Variants in TFR2 observed in about 807,000 individuals in gnomAD.
TFR2 encodes transferrin receptor 2.
In TFR2, 64 loss-of-function variants were observed where a neutral mutation model predicts 91.9. That is an observed-to-expected ratio of 0.70 (90% CI 0.57 to 0.86). The LOEUF (loss-of-function observed/expected upper bound fraction) is 0.86. Among genes scored for constraint, TFR2 ranks in the 40% least tolerant of loss-of-function variants. The pLI, the probability that TFR2 is intolerant of heterozygous loss-of-function variation, is 0.00. For missense variants in TFR2, 950 were observed against 1,080.5 expected, an observed-to-expected ratio of 0.88 and a Z score of 1.69; for synonymous variants, 454 against 459.6, an observed-to-expected ratio of 0.99 and a Z score of 0.15.
rs1803087774 is a variant in TFR2 at position 100,620,975 on chromosome 7, G to A, written c.2288C>T (p.Ser763Phe). The A allele has an allele frequency of 5.0e-6, 8 of 1,612,726 alleles. No individual in the cohort carries two copies. Among genetic ancestry groups the A allele is most frequent in the Non-Finnish European group, 6.8e-6 (8 of 1,179,546 alleles). The change falls in exon 18 of 18, where the codon TCC becomes TTC. Residue 763 changes from serine to phenylalanine, a missense_variant. By Grantham distance (155) the Ser-to-Phe change is radical (BLOSUM62 -2). Coordinates refer to ENST00000223051, the MANE Select transcript of TFR2 (RefSeq NM_003227.4). Reference sequence around the variant, plus strand: ...ACGGCTCTCCTGGAAGCCAGTGGAGGAGGTGGCCCCGGGGGTCCCGGAGCT... The same window carrying A: ...ACGGCTCTCCTGGAAGCCAGTGGAGAAGGTGGCCCCGGGGGTCCCGGAGCT... ...SNSSGTPGAT[S>F]STGFQESRFR...
chr7:100,631,051 TCCTGGAGAGGAGGAAGGCA>T lies in TFR2; in HGVS notation c.1107-18_1107del. The T allele has an allele frequency of 6.4e-7, 1 of 1,570,864 alleles. No homozygotes were observed. Among genetic ancestry groups the T allele is most frequent in the Non-Finnish European group, 8.6e-7 (1 of 1,162,970 alleles). On this transcript the variant is annotated splice_acceptor_variant and splice_polypyrimidine_tract_variant and coding_sequence_variant and intron_variant, in exon 9 of 18. Coordinates refer to ENST00000223051, the MANE Select transcript of TFR2 (RefSeq NM_003227.4). LOFTEE classifies it high-confidence loss of function. ...TGGGGGGCCACAGGGCCTTTGAGCT[TCCTGGAGAGGAGGAAGGCA>T]GAAAGGGGGAAGTTGTAGAGAGACC... is the stretch of plus-strand genomic sequence containing the variant.
At position 100,632,653 on chromosome 7, in the gene TFR2, G is replaced by T. The variant is rs547271541; in HGVS notation, c.849+348C>A. 80 of 326,368 alleles carry T rather than the reference G, an allele frequency of 2.5e-4. No individual in the cohort carries two copies. The Middle Eastern group carries it at 3.2e-3, about 13-fold the overall frequency. The allele number at this position is 326,368 out of a possible 1,614,324, so 20.2% of individuals were successfully genotyped here. A position where few individuals can be genotyped will look rare whatever the true frequency, so the allele number is the denominator to read the frequency against. Reference sequence around the variant, plus strand: ...CAGCCTGGCACTCCTGGGCTCAAGCGATCCTCCCACCGGAGCCTCCGGAGT... The same window carrying T: ...CAGCCTGGCACTCCTGGGCTCAAGCTATCCTCCCACCGGAGCCTCCGGAGT... On this transcript the variant is annotated intron_variant, in intron 6 of 17. Coordinates refer to ENST00000223051, the MANE Select transcript of TFR2 (RefSeq NM_003227.4).
intron 6 of TFR2, chr7:100,632,717 T>TAAA (rs35124485): frequency 4.9e-5 from 10 of 205,164 alleles, no homozygotes; most frequent in Non-Finnish European, 6.8e-5. Context: ...CCCAGCTAAC[T>TAAA]AAAAAAAAAA....
intron 3 of TFR2, among the ~76,000 whole-genome samples, chr7:100,638,064 C>T (rs547249003): frequency 4.3e-4 from 65 of 151,990 alleles, no homozygotes; most frequent in African/African-American, 1.4e-3. Flanking sequence ...AGTGCAGTGG[C>T]GCGATCTCGG....
At chr7:100,634,177 AACACACACACACACAC>A (rs3076877) in intron 3 of TFR2, among the ~76,000 whole-genome samples, 1,358 of 132,806 alleles carry the variant, frequency 0.01, 24 homozygotes, top group African/African-American at 0.032. Context: ...TCCCGACGTC[AACACACACACACACAC>A]ACACACACAC....
In TFR2 at chr7:100,641,466, A is replaced by G. The variant is rs1359296827; in HGVS notation, c.33+11T>C. On this transcript the variant is annotated intron_variant, in intron 1 of 17. Transcript: ENST00000223051. ...AGGCCTAAGGGGTCTTCCCAATCCC[A>G]CTAGTCTTACCGCTCTCTGGAATAG... is the stretch of plus-strand genomic sequence containing the variant. 4 of 1,613,842 alleles carry G rather than the reference A, an allele frequency of 2.5e-6. No individual in the cohort carries two copies. Among genetic ancestry groups the G allele is most frequent in the African/African-American group, 1.3e-5 (1 of 74,986 alleles).
intron 17 of TFR2, 98 bp downstream of exon 17, chr7:100,626,665 G>A: frequency 6.6e-6 from 10 of 1,509,968 alleles, no homozygotes; most frequent in Non-Finnish European, 8.8e-6. Context: ...GTGTAGGCGG[G>A]GAGAGAGAGG....
intron 17 of TFR2, among the ~76,000 whole-genome samples, chr7:100,624,813 C>T (rs377489160): frequency 7.3e-5 from 11 of 151,148 alleles, no homozygotes; most frequent in African/African-American, 2.4e-4. Context: ...TGGAGGTTGC[C>T]GTGAGCCCAG....
At chr7:100,632,895 A>C in intron 6 of TFR2, 106 bp downstream of exon 6, 1 of 1,590,782 alleles carries the variant, frequency 6.3e-7, no homozygotes, top group Non-Finnish European at 8.6e-7. Context: ...ATCCAGCCAC[A>C]TGGTTCTTTC....
chr7:100,633,698 CTTTTTTTTTTTT>C (rs397890558), intron 3 of TFR2, 142 bp from the exon 4 acceptor site: 71 of 215,942 alleles, frequency 3.3e-4, no homozygotes, highest in Middle Eastern at 1.7e-3. Flanking sequence ...CCCGCGGACG[CTTTTTTTTTTTT>C]TTTTTTTTTT....
Position 100,641,138 on chromosome 7 carries a change from C to A in TFR2, c.124G>T (p.Glu42Ter). Reference sequence around the variant, plus strand: ...TGGGCCAATGTCTCCGCCCCCTCCTCCCCGTCTTCCTCTTCCTCCTCCAGG... The same window carrying A: ...TGGGCCAATGTCTCCGCCCCCTCCTACCCGTCTTCCTCTTCCTCCTCCAGG... Reference protein sequence around the residue: ...GHLEEEEEDGEEGAETLAHFC... With the variant: ...GHLEEEEEDG The change falls in exon 2 of 18, where the codon GAG becomes TAG. Residue 42 changes from glutamate (E) to a stop codon, truncating the protein, a stop_gained. Coordinates refer to ENST00000223051, the MANE Select transcript of TFR2 (RefSeq NM_003227.4). LOFTEE classifies it high-confidence loss of function. 6.4e-7 allele frequency: 1 copy of A among 1,552,882 alleles called. No homozygotes were observed.
intron 1 of TFR2, 96 bp from the exon 2 acceptor site, chr7:100,641,324 T>C: frequency 1.1e-6 from 1 of 909,528 alleles, no homozygotes; most frequent in Non-Finnish European, 1.5e-6. Context: ...GGGTGTCAAA[T>C]GAGCATGGTG....
chr7:100,628,380 T>TGGG, intron 10 of TFR2, 74 bp from the exon 11 acceptor site: 1 of 1,447,490 alleles, frequency 6.9e-7, no homozygotes, highest in Non-Finnish European at 9.7e-7. Flanking sequence ...TCTTCTGTCC[T>TGGG]GGTCCCCCAG....
intron 17 of TFR2, among the ~76,000 whole-genome samples, chr7:100,624,949 C>T (rs768680682): frequency 5.3e-5 from 8 of 152,002 alleles, no homozygotes; most frequent in Non-Finnish European, 8.8e-5. Context: ...TGGTCTAGAG[C>T]CATAAAATTC....
At chr7:100,628,928 G>A (rs1257158193) in intron 10 of TFR2, among the ~76,000 whole-genome samples, 1 of 151,856 alleles carries the variant, frequency 6.6e-6, no homozygotes, top group Non-Finnish European at 1.5e-5. Flanking sequence ...CACCACGCCT[G>A]GCTAATTTTT....
intron 6 of TFR2, 114 bp downstream of exon 6, chr7:100,632,887 C>T: frequency 4.5e-6 from 7 of 1,565,656 alleles, no homozygotes; most frequent in Non-Finnish European, 5.3e-6. Flanking sequence ...TTCTTACCAT[C>T]CAGCCACATG....
intron 3 of TFR2, among the ~76,000 whole-genome samples, chr7:100,634,316 A>T (rs1272436337): frequency 1.3e-5 from 2 of 151,892 alleles, no homozygotes; most frequent in Non-Finnish European, 2.9e-5. Flanking sequence ...GAGACACTTT[A>T]CACCAAGGTA....
In TFR2 at chr7:100,622,802, C is replaced by CA. The variant is rs1020279503; in HGVS notation, c.2137-1677dup. Reference sequence around the variant, plus strand: ...CAAAACCCTGTCTCTACTACAAATACAAAAAATTTAGCCAGGTATGCTGAT... The same window carrying CA: ...CAAAACCCTGTCTCTACTACAAATACAAAAAAATTTAGCCAGGTATGCTGAT... On this transcript the variant is annotated intron_variant, in intron 17 of 17. Coordinates refer to ENST00000223051, the MANE Select transcript of TFR2 (RefSeq NM_003227.4). 1.1e-4 allele frequency among the ~76,000 whole-genome samples: 16 copies of CA among 152,012 alleles called. 2 individuals carry two copies. In the South Asian group the frequency reaches 3.1e-3, roughly 30 times the overall value.
intron 17 of TFR2, 164 bp downstream of exon 17, chr7:100,626,599 A>C: frequency 6.9e-7 from 1 of 1,447,444 alleles, no homozygotes; most frequent in Non-Finnish European, 9.1e-7. Flanking sequence ...AGCCTGACCG[A>C]TCTATGAGCA....
Sources: allele counts gnomAD v4.1 joint callset (sites outside exome capture counted in the v4.1 genomes callset), GRCh38; gene constraint gnomAD v4.1.1; transcripts MANE v1.5; gene names NCBI Gene and HGNC (gene_info 2026-07-23, HGNC 2026-07-21).